Variants in EPB41L4A observed in about 807,000 individuals in gnomAD.
EPB41L4A encodes the protein erythrocyte membrane protein band 4.1 like 4A.
In EPB41L4A, 100 loss-of-function variants were observed where a neutral mutation model predicts 108.6. That is an observed-to-expected ratio of 0.92 (90% CI 0.78 to 1.09). EPB41L4A has a LOEUF of 1.09. Among genes scored for constraint, EPB41L4A ranks in the 50% least tolerant of loss-of-function variants. EPB41L4A has a pLI of 0.00. For missense variants in EPB41L4A, 1,030 were observed against 842.7 expected, an observed-to-expected ratio of 1.22 and a Z score of -2.75; for synonymous variants, 319 against 289.0, an observed-to-expected ratio of 1.10 and a Z score of -1.05.
chr5:112,385,694 A>T (rs1367497504), intron 1 of EPB41L4A, among the ~76,000 whole-genome samples: 1 of 152,120 alleles, frequency 6.6e-6, no homozygotes, highest in African/African-American at 2.4e-5. Context: ...ACTCCAATAG[A>T]CCAAAGGACA....
intron 9 of EPB41L4A, among the ~76,000 whole-genome samples, chr5:112,247,657 C>T (rs916395379): frequency 3.3e-5 from 5 of 152,070 alleles, no homozygotes; most frequent in African/African-American, 9.7e-5. Context: ...TTTTGGAATT[C>T]GCTGATATAA....
intron 9 of EPB41L4A, among the ~76,000 whole-genome samples, chr5:112,241,944 T>C (rs1384378453): frequency 6.6e-6 from 1 of 152,192 alleles, no homozygotes; most frequent in African/African-American, 2.4e-5. Flanking sequence ...TAAAAAAACA[T>C]ATATACTATA....
intron 13 of EPB41L4A, chr5:112,207,168 A>G (rs1762514566): frequency 6.6e-6 from 1 of 152,244 alleles, no homozygotes; most frequent in Non-Finnish European, 1.5e-5. Flanking sequence ...AACAAAAGCA[A>G]CTAGAACAAG....
chr5:112,231,291 C>T (rs1748901386), intron 12 of EPB41L4A, among the ~76,000 whole-genome samples: 1 of 152,086 alleles, frequency 6.6e-6, no homozygotes. Flanking sequence ...AAGTTGAAAA[C>T]CCATGATTGT....
At chr5:112,266,843 T>C (rs1050642805) in intron 4 of EPB41L4A, among the ~76,000 whole-genome samples, 1 of 152,246 alleles carries the variant, frequency 6.6e-6, no homozygotes, top group Non-Finnish European at 1.5e-5. Flanking sequence ...CCTGTTATAA[T>C]AGTAATGTCA....
chr5:112,157,027 C>T (rs1258141498), intron 12 of EPB41L4A, among the ~76,000 whole-genome samples: 1 of 151,782 alleles, frequency 6.6e-6, no homozygotes, highest in African/African-American at 2.4e-5. Context: ...AGGGTATTTG[C>T]CCCGAAAATA....
intron 1 of EPB41L4A, among the ~76,000 whole-genome samples, chr5:112,351,770 G>A (rs1758057966): frequency 6.6e-6 from 1 of 152,030 alleles, no homozygotes; most frequent in South Asian, 2.1e-4. Flanking sequence ...TCCAAATCCA[G>A]CAACATATCA....
chr5:112,187,204 CA>C (rs1261873750), intron 17 of EPB41L4A, among the ~76,000 whole-genome samples: 3 of 152,160 alleles, frequency 2.0e-5, no homozygotes, highest in Admixed American at 2.0e-4. Flanking sequence ...TATTAATTTT[CA>C]AATGTTGCAT....
chr5:112,149,405 G>A (rs1759381388), intron 12 of EPB41L4A, among the ~76,000 whole-genome samples: 2 of 152,354 alleles, frequency 1.3e-5, no homozygotes, highest in South Asian at 4.1e-4. Flanking sequence ...CTGGGAGGCA[G>A]AGGTTACAGT....
At chr5:112,241,124 C>T (rs116677317) in intron 9 of EPB41L4A, among the ~76,000 whole-genome samples, 2,201 of 152,028 alleles carry the variant, frequency 0.014, 45 homozygotes, top group African/African-American at 0.05. Context: ...GCCACTAATA[C>T]AGGAAAAGCA....
chr5:112,385,882 G>A (rs758072718), intron 1 of EPB41L4A, among the ~76,000 whole-genome samples: 3 of 152,154 alleles, frequency 2.0e-5, no homozygotes, highest in Non-Finnish European at 4.4e-5. Flanking sequence ...AATAATGTGG[G>A]CAACATGCAC....
intron 1 of EPB41L4A, among the ~76,000 whole-genome samples, chr5:112,333,381 C>T (rs1477456243): frequency 6.6e-6 from 1 of 152,178 alleles, no homozygotes; most frequent in Non-Finnish European, 1.5e-5. Context: ...TAAGGAAATG[C>T]TCGGCTGGTC....
chr5:112,195,903 T>C (rs1761945030), intron 15 of EPB41L4A, among the ~76,000 whole-genome samples, 195 bp from the exon 16 acceptor site: 1 of 152,184 alleles, frequency 6.6e-6, no homozygotes, highest in African/African-American at 2.4e-5. Flanking sequence ...TAACATCACC[T>C]GGCCTCACTC....
chr5:112,258,433 G>A (rs972537935), intron 9 of EPB41L4A, among the ~76,000 whole-genome samples: 4 of 152,146 alleles, frequency 2.6e-5, no homozygotes, highest in African/African-American at 9.7e-5. Flanking sequence ...CACAAAGTTA[G>A]TATCAAAAAG....
At chr5:112,382,196 T>C (rs1194845129) in intron 1 of EPB41L4A, among the ~76,000 whole-genome samples, 2 of 152,210 alleles carry the variant, frequency 1.3e-5, no homozygotes, top group Non-Finnish European at 2.9e-5. Context: ...ATCTATTTTT[T>C]AACCACAATC....
At chr5:112,279,879 C>A (rs1269968038) in intron 3 of EPB41L4A, among the ~76,000 whole-genome samples, 1 of 152,056 alleles carries the variant, frequency 6.6e-6, no homozygotes, top group Non-Finnish European at 1.5e-5. Flanking sequence ...AAAACCATGC[C>A]ATAACCCAAG....
chr5:112,241,618 A>C (rs1394453379), intron 9 of EPB41L4A, among the ~76,000 whole-genome samples: 1 of 152,224 alleles, frequency 6.6e-6, no homozygotes, highest in African/African-American at 2.4e-5. Context: ...TTAGATTAGG[A>C]ATCATAAGTA....
At chr5:112,191,198 A>G (rs1761681073) in intron 17 of EPB41L4A, among the ~76,000 whole-genome samples, 1 of 151,148 alleles carries the variant, frequency 6.6e-6, no homozygotes, top group Non-Finnish European at 1.5e-5. Context: ...GGTAAGGGAA[A>G]ACATAAACGA....
chr5:112,161,209 C>A (rs1007114323), downstream of EPB41L4A: 4 of 269,904 alleles, frequency 1.5e-5, no homozygotes, highest in African/African-American at 9.1e-5. Flanking sequence ...TTGCCCTGCC[C>A]CCGTATAAAA....
Sources: allele counts gnomAD v4.1 joint callset (sites outside exome capture counted in the v4.1 genomes callset), GRCh38; gene constraint gnomAD v4.1.1; transcripts MANE v1.5; gene names NCBI Gene and HGNC (gene_info 2026-07-23, HGNC 2026-07-21).